Variants in GABRB1 observed in about 807,000 individuals in gnomAD.
The protein encoded by GABRB1 is gamma-aminobutyric acid type A receptor subunit beta1.
Under a neutral mutation model 51.6 loss-of-function variants are expected in GABRB1, and 17 were observed. The observed-to-expected ratio is 0.33, with a 90% CI of 0.23 to 0.49. The LOEUF (loss-of-function observed/expected upper bound fraction) is 0.49, where lower values mean the gene tolerates loss of function less well. Ranked by LOEUF, GABRB1 falls within the 20% of genes least tolerant of loss-of-function variation. The pLI is 0.99. For missense variants in GABRB1, 410 were observed against 600.6 expected, an observed-to-expected ratio of 0.68 and a Z score of 3.32; for synonymous variants, 247 against 218.9, an observed-to-expected ratio of 1.13 and a Z score of -1.14.
intron 4 of GABRB1, among the ~76,000 whole-genome samples, chr4:47,261,579 G>T (rs1391386229): frequency 6.6e-6 from 1 of 152,020 alleles, no homozygotes; most frequent in African/African-American, 2.4e-5. Flanking sequence ...CATGCTCATG[G>T]GTAGGAAGAA....
At chr4:47,012,219 A>G (rs13152751) in intron 1 of GABRB1, among the ~76,000 whole-genome samples, 97,167 of 152,026 alleles carry the variant, frequency 0.64, 31,406 homozygotes, top group East Asian at 0.78. Flanking sequence ...TTTTAAATTC[A>G]GAAGTACATG....
intron 5 of GABRB1, among the ~76,000 whole-genome samples, chr4:47,384,988 T>G (rs138621094): frequency 6.3e-4 from 96 of 152,358 alleles, no homozygotes; most frequent in African/African-American, 2.2e-3. Context: ...TCTTTGCACA[T>G]GGGGTTAATT....
chr4:47,074,226 G>A (rs965911839), intron 3 of GABRB1, among the ~76,000 whole-genome samples: 2 of 152,102 alleles, frequency 1.3e-5, no homozygotes, highest in South Asian at 2.1e-4. Context: ...TATTAAAAAT[G>A]CCTGTACAAA....
At chr4:47,418,984 C>T (rs1729014793) in intron 8 of GABRB1, among the ~76,000 whole-genome samples, 2 of 152,140 alleles carry the variant, frequency 1.3e-5, no homozygotes, top group Admixed American at 6.5e-5. Context: ...TGCACAAAAT[C>T]ACAAACTGGT....
chr4:47,225,137 C>T (rs1006461167), intron 4 of GABRB1, among the ~76,000 whole-genome samples: 8 of 152,056 alleles, frequency 5.3e-5, no homozygotes, highest in African/African-American at 1.2e-4. Context: ...TCAGGTGATC[C>T]GCACACTTTG....
intron 1 of GABRB1, among the ~76,000 whole-genome samples, chr4:47,017,918 A>C (rs1318182844): frequency 6.6e-6 from 1 of 152,120 alleles, no homozygotes; most frequent in East Asian, 1.9e-4. Context: ...TTCAGATTTG[A>C]ATTATTGACT....
intron 7 of GABRB1, among the ~76,000 whole-genome samples, chr4:47,405,648 C>T (rs1237292173): frequency 2.6e-5 from 4 of 152,076 alleles, no homozygotes; most frequent in African/African-American, 7.2e-5. Context: ...GAATAATATA[C>T]ACTCCCTATC....
intron 4 of GABRB1, among the ~76,000 whole-genome samples, chr4:47,233,818 C>A (rs1034164494): frequency 3.9e-5 from 6 of 152,014 alleles, no homozygotes; most frequent in Admixed American, 2.0e-4. Context: ...TTAAATTACA[C>A]AAATAGTGTA....
At chr4:47,256,465 G>A in intron 4 of GABRB1, among the ~76,000 whole-genome samples, 1 of 152,154 alleles carries the variant, frequency 6.6e-6, no homozygotes, top group East Asian at 1.9e-4. Flanking sequence ...TTTTGTACAA[G>A]GAACTGCACT....
intron 3 of GABRB1, among the ~76,000 whole-genome samples, chr4:47,156,685 G>A (rs1717717528): frequency 6.6e-6 from 1 of 151,764 alleles, no homozygotes; most frequent in South Asian, 2.1e-4. Flanking sequence ...ATGTTGTTTT[G>A]GGGACAGGCG....
chr4:47,159,094 G>C (rs1031137097), intron 3 of GABRB1, among the ~76,000 whole-genome samples: 5 of 148,450 alleles, frequency 3.4e-5, no homozygotes, highest in Non-Finnish European at 7.4e-5. Context: ...CTGAGCAACA[G>C]AGAAAGACCC....
chr4:47,323,544 C>T (rs1436643752), intron 5 of GABRB1, among the ~76,000 whole-genome samples: 1 of 152,118 alleles, frequency 6.6e-6, no homozygotes, highest in Non-Finnish European at 1.5e-5. Context: ...TGTATCAAGA[C>T]TATACTGAGC....
At chr4:47,288,795 G>A (rs1723612371) in intron 4 of GABRB1, among the ~76,000 whole-genome samples, 1 of 152,172 alleles carries the variant, frequency 6.6e-6, no homozygotes, top group South Asian at 2.1e-4. Flanking sequence ...AGAGGAAACT[G>A]AGTCCAGAGA....
chr4:47,233,204 C>A (rs1721207195), intron 4 of GABRB1, among the ~76,000 whole-genome samples: 2 of 152,010 alleles, frequency 1.3e-5, no homozygotes, highest in South Asian at 4.1e-4. Flanking sequence ...GTTTTCATAA[C>A]CTTGGTCTTC....
At chr4:47,417,906 G>A (rs765714962) in intron 8 of GABRB1, among the ~76,000 whole-genome samples, 1 of 152,102 alleles carries the variant, frequency 6.6e-6, no homozygotes, top group Non-Finnish European at 1.5e-5. Flanking sequence ...CTTATATATT[G>A]AAAATATCCA....
intron 5 of GABRB1, among the ~76,000 whole-genome samples, chr4:47,338,245 T>A (rs979219913): frequency 6.6e-5 from 10 of 152,220 alleles, no homozygotes; most frequent in Non-Finnish European, 1.5e-4. Context: ...TTCCTGGCTG[T>A]ATTTATCTAA....
intron 4 of GABRB1, among the ~76,000 whole-genome samples, chr4:47,237,822 A>G (rs1392783641): frequency 6.6e-6 from 1 of 152,012 alleles, no homozygotes; most frequent in East Asian, 1.9e-4. Flanking sequence ...TTGGTGTTTG[A>G]CCTCAAAAAA....
chr4:47,125,804 C>G (rs1002368147), intron 3 of GABRB1, among the ~76,000 whole-genome samples: 9 of 149,552 alleles, frequency 6.0e-5, no homozygotes, highest in Non-Finnish European at 1.3e-4. Flanking sequence ...ATCCGCCCGC[C>G]TCGGCCTCCC....
chr4:47,275,807 C>A (rs1172306852), intron 4 of GABRB1, among the ~76,000 whole-genome samples: 1 of 152,106 alleles, frequency 6.6e-6, no homozygotes, highest in Non-Finnish European at 1.5e-5. Flanking sequence ...TGGCAGTTAC[C>A]TCCTGGATAA....
Sources: gnomAD v4.1 joint callset for allele counts (sites outside exome capture counted in the v4.1 genomes callset) on GRCh38, gnomAD v4.1.1 for gene constraint, MANE v1.5 for transcripts, NCBI Gene and HGNC (gene_info 2026-07-23, HGNC 2026-07-21) for gene names.